Variants in NFIX observed in about 807,000 individuals in gnomAD.
The protein encoded by NFIX is nuclear factor 1 X-type.
In NFIX, 2 loss-of-function variants were observed where a neutral mutation model predicts 53.3. The ratio of observed to expected loss-of-function variants is 0.04; its 90% CI spans 0.02 to 0.12. The LOEUF (loss-of-function observed/expected upper bound fraction) is 0.12, where lower values mean the gene tolerates loss of function less well. NFIX is among the 10% of genes least tolerant of loss of function. The probability of loss-of-function intolerance (pLI) is 1.00; values close to 1 mark genes in which losing one functional copy is unlikely to be tolerated. For synonymous variants in NFIX, 244 were observed against 289.0 expected, an observed-to-expected ratio of 0.84 and a Z score of 1.58; for missense variants, 310 against 674.5, an observed-to-expected ratio of 0.46 and a Z score of 5.99.
intron 1 of NFIX, among the ~76,000 whole-genome samples, chr19:13,018,732 C>A (rs2012805161): frequency 6.6e-6 from 1 of 152,244 alleles, no homozygotes; most frequent in Non-Finnish European, 1.5e-5. Flanking sequence ...GTCTGCAGTT[C>A]CCTTCCCATC....
intron 2 of NFIX, among the ~76,000 whole-genome samples, chr19:13,035,348 T>G (rs2014111820): frequency 6.6e-6 from 1 of 152,216 alleles, no homozygotes; most frequent in African/African-American, 2.4e-5. Context: ...ACTGTAAGCC[T>G]GCCTCCAAGT....
At chr19:13,023,724 C>G (rs896333420) in intron 1 of NFIX, among the ~76,000 whole-genome samples, 4 of 150,152 alleles carry the variant, frequency 2.7e-5, no homozygotes, top group African/African-American at 9.9e-5. Flanking sequence ...TGTGTGGCAG[C>G]CGGCTCGCTC....
chr19:13,050,789 T>C (rs533621519), intron 2 of NFIX, among the ~76,000 whole-genome samples: 1 of 152,316 alleles, frequency 6.6e-6, no homozygotes, highest in East Asian at 1.9e-4. Flanking sequence ...CCCAGTCCCC[T>C]TTAACCCAAA....
rs548282503 is a variant in NFIX, at chr19:13,091,514, C to G, written c.1494+1124C>G. Among the ~76,000 whole-genome samples, 8 of 152,236 alleles carry G rather than the reference C, an allele frequency of 5.3e-5. No individual in the cohort carries two copies. The South Asian group carries it at 1.7e-3, about 32-fold the overall frequency. ...TTCAACCCCCTCCAGCTTCCCACCC[C>G]CTTTCCCCAGAGTCACGTCTGACCC... is the stretch of plus-strand genomic sequence containing the variant. On this transcript the variant is annotated intron_variant, in intron 10 of 10. Coordinates refer to ENST00000592199, the MANE Select transcript of NFIX (RefSeq NM_001365902.3).
chr19:13,017,867 G>C (rs1056450850), intron 1 of NFIX, among the ~76,000 whole-genome samples: 3 of 152,122 alleles, frequency 2.0e-5, no homozygotes, highest in Non-Finnish European at 4.4e-5. Context: ...CCCTCTTCCC[G>C]GGCCCTTGGC....
chr19:13,006,877 C>G lies in NFIX; in HGVS notation c.27+11013C>G, dbSNP rs903488906. Among the ~76,000 whole-genome samples the G allele has an allele frequency of 2.6e-5, 4 of 152,346 alleles. No homozygotes were observed. The highest frequency in any genetic ancestry group is 4.1e-4 in the South Asian group (2 of 4,830). On this transcript the variant is annotated intron_variant, in intron 1 of 10. Coordinates refer to ENST00000592199, the MANE Select transcript of NFIX (RefSeq NM_001365902.3). The surrounding 1 kb of genome is among the most constrained non-coding windows in gnomAD (Gnocchi z 5.6). ...GGTTTGGCGCCCTGCCTGCCTGCCA[C>G]CCCCACCCCATGCCCGGGCAGAGCC...
chr19:13,084,069 T>C (rs570312057), intron 8 of NFIX, among the ~76,000 whole-genome samples: 1 of 152,334 alleles, frequency 6.6e-6, no homozygotes, highest in Admixed American at 6.5e-5. Context: ...TTCCCAACTT[T>C]CTAGGTGATG....
At chr19:13,042,446 C>G (rs1330425825) in intron 2 of NFIX, among the ~76,000 whole-genome samples, 1 of 150,248 alleles carries the variant, frequency 6.7e-6, no homozygotes, top group Non-Finnish European at 1.5e-5. Context: ...CCTCTACCTC[C>G]AGGGTTCAAG....
In NFIX at chr19:13,073,072, C is replaced by T; in HGVS notation, c.585C>T (p.Asn195=). Residue 195 remains asparagine, a synonymous_variant, in exon 3 of 11, where the codon AAC becomes AAT. Coordinates refer to ENST00000592199, the MANE Select transcript of NFIX (RefSeq NM_001365902.3). The surrounding 1 kb of genome is among the most constrained non-coding windows in gnomAD (Gnocchi z 4.5). ...AATCCGGACAATCAGATAGTTCAAACCAGCAAGGAGATGCGGACATCAAAC... is the reference window on the plus strand; with the variant it reads ...AATCCGGACAATCAGATAGTTCAAATCAGCAAGGAGATGCGGACATCAAAC... ...TPESGQSDSS[N]QQGDADIKPL... The T allele has an allele frequency of 6.2e-7, 1 of 1,614,002 alleles. No homozygotes were observed. Among genetic ancestry groups the T allele is most frequent in the South Asian group, 1.1e-5 (1 of 91,088 alleles).
At chr19:13,076,028 T>A (rs1329088091) in intron 6 of NFIX, among the ~76,000 whole-genome samples, 2 of 152,206 alleles carry the variant, frequency 1.3e-5, no homozygotes, top group Admixed American at 6.5e-5. Flanking sequence ...TTTCTCACCC[T>A]GGGGGCTCAT....
chr19:13,014,900 C>T lies in NFIX; in HGVS notation c.28-10121C>T, dbSNP rs535563929. 1.3e-4 allele frequency among the ~76,000 whole-genome samples: 20 copies of T among 152,262 alleles called. 1 individual carries two copies. In the South Asian group the frequency reaches 2.7e-3, roughly 21 times the overall value. On this transcript the variant is annotated intron_variant, in intron 1 of 10. Coordinates refer to ENST00000592199, the MANE Select transcript of NFIX (RefSeq NM_001365902.3). The surrounding 1 kb of genome is among the most constrained non-coding windows in gnomAD (Gnocchi z 4.4). ...GGGCTGGTGGTAGGCGAGGTGGCTG[C>T]GGTGGCCCTTCCGCCAGGTGTGGGG...
intron 1 of NFIX, among the ~76,000 whole-genome samples, chr19:12,997,476 C>T (rs1265898851): frequency 6.6e-6 from 1 of 152,240 alleles, no homozygotes; most frequent in Admixed American, 6.5e-5. Context: ...ACCCTGAGCA[C>T]CATGGCAGTG....
chr19:13,058,914 T>C (rs2015883625), intron 2 of NFIX, among the ~76,000 whole-genome samples: 2 of 152,040 alleles, frequency 1.3e-5, no homozygotes, highest in African/African-American at 2.4e-5. Context: ...TTGAGAACCC[T>C]GGTCTGGAGT....
intron 2 of NFIX, among the ~76,000 whole-genome samples, chr19:13,035,179 C>G (rs1029106099): frequency 3.3e-5 from 5 of 152,176 alleles, no homozygotes; most frequent in African/African-American, 1.2e-4. Flanking sequence ...CTTGCCTCAC[C>G]GCCAGTTTAG....
At chr19:13,029,401 G>A (rs969150509) in intron 2 of NFIX, among the ~76,000 whole-genome samples, 4 of 152,048 alleles carry the variant, frequency 2.6e-5, no homozygotes, top group African/African-American at 9.7e-5. Context: ...TTTGTTTATA[G>A]TTTGTTTGAA....
rs896277546 is a variant in NFIX at position 13,012,040 on chromosome 19, C to G, written c.28-12981C>G. ...AGGGGTGGGAGAGGACAGCACATGC[C>G]TGGACCGTGCAGGAGGCCCAGAACC... On this transcript the variant is annotated intron_variant, in intron 1 of 10. Coordinates refer to ENST00000592199, the MANE Select transcript of NFIX (RefSeq NM_001365902.3). This position sits in a 1 kb window ranked among gnomAD's most constrained non-coding sequence, Gnocchi z 5.0. The G allele has an allele frequency of 4.6e-5, 7 of 152,362 alleles. No homozygotes were observed. Among genetic ancestry groups the G allele is most frequent in the African/African-American group, 1.7e-4 (7 of 41,456 alleles). The allele number at this position is 152,362 out of a possible 1,614,324, so 9.4% of individuals were successfully genotyped here. A position where few individuals can be genotyped will look rare whatever the true frequency, so the allele number is the denominator to read the frequency against.
Position 13,081,583 on chromosome 19 carries a change from A to G in NFIX, c.1079-97A>G, listed in dbSNP as rs980237982. ...GCTGCCTTACCTGCTCAGGATCCTCAGGACCCTCTGACCGGCAGCTCCCCT... is the reference window on the plus strand; with the variant it reads ...GCTGCCTTACCTGCTCAGGATCCTCGGGACCCTCTGACCGGCAGCTCCCCT... On this transcript the variant is annotated intron_variant, in intron 7 of 10. Coordinates refer to ENST00000592199, the MANE Select transcript of NFIX (RefSeq NM_001365902.3). This position sits in a 1 kb window ranked among gnomAD's most constrained non-coding sequence, Gnocchi z 4.7. 20 of 1,325,950 alleles carry G rather than the reference A, an allele frequency of 1.5e-5. No individual in the cohort carries two copies. Among genetic ancestry groups the G allele is most frequent in the Non-Finnish European group, 2.1e-5 (20 of 972,128 alleles). The allele number at this position is 1,325,950 out of a possible 1,614,324, so 82.1% of individuals were successfully genotyped here.
At position 13,094,844 on chromosome 19, in the gene NFIX, CAGAG is replaced by C. The variant is rs1224500636; in HGVS notation, c.*198_*201del. ...CGGGCCCCAGAAGCAGCCCAGTTCT[CAGAG>C]AGCCCTTGGAAGGGGTCTCGGTGGA... On this transcript the variant is annotated 3_prime_UTR_variant, in exon 11 of 11. Transcript: ENST00000592199. The surrounding 1 kb of genome is among the most constrained non-coding windows in gnomAD (Gnocchi z 4.3). 5 of 593,102 alleles carry C rather than the reference CAGAG, an allele frequency of 8.4e-6. No individual in the cohort carries two copies. Among genetic ancestry groups the C allele is most frequent in the Non-Finnish European group, 3.0e-6 (1 of 335,484 alleles). 36.7% of individuals were successfully genotyped at this position (593,102 alleles called of 1,614,324 possible). A position where few individuals can be genotyped will look rare whatever the true frequency, so the allele number is the denominator to read the frequency against.
In NFIX at chr19:12,996,552, C is replaced by T. The variant is rs2145119354; in HGVS notation, c.27+688C>T. ...GAGAGGGGGGCGGGCGCGCTGCCAG[C>T]GGTGGCCGCGCCTCTCCGACCCCGG... On this transcript the variant is annotated intron_variant, in intron 1 of 10. Transcript: ENST00000592199. This position sits in a 1 kb window ranked among gnomAD's most constrained non-coding sequence, Gnocchi z 5.2. Among the ~76,000 whole-genome samples the T allele has an allele frequency of 6.6e-6, 1 of 152,290 alleles. No homozygotes were observed. The highest frequency in any genetic ancestry group is 1.9e-4 in the East Asian group (1 of 5,170).
Sources: gnomAD v4.1 joint callset for allele counts (sites outside exome capture counted in the v4.1 genomes callset) on GRCh38, gnomAD v4.1.1 for gene constraint, Gnocchi (gnomAD v3.1) non-coding constraint, MANE v1.5 for transcripts, NCBI Gene and HGNC (gene_info 2026-07-23, HGNC 2026-07-21) for gene names.